Variants in FAM107B observed in about 807,000 individuals in gnomAD.
FAM107B encodes protein FAM107B.
A neutral mutation model predicts 31.5 loss-of-function variants in FAM107B; 21 were observed. The ratio of observed to expected loss-of-function variants is 0.67; its 90% CI spans 0.47 to 0.96. FAM107B has a LOEUF of 0.96. FAM107B is among the 40% of genes least tolerant of loss of function. FAM107B has a pLI of 0.00. For synonymous variants in FAM107B, 157 were observed against 141.5 expected (o/e 1.11, Z -0.78); for missense variants, 452 against 377.1 (o/e 1.20, Z -1.64).
At chr10:14,548,861 AGTCCCCC>A (rs1347226716) in intron 2 of FAM107B, among the ~76,000 whole-genome samples, 2 of 110,386 alleles carry the variant, frequency 1.8e-5, no homozygotes, top group African/African-American at 3.2e-5. Flanking sequence ...CTGAATGCTG[AGTCCCCC>A]CAAAATTCCT....
intron 2 of FAM107B, among the ~76,000 whole-genome samples, chr10:14,544,301 C>G (rs988130727): frequency 6.6e-6 from 1 of 152,174 alleles, no homozygotes; most frequent in Non-Finnish European, 1.5e-5. Context: ...ATAAAATCAC[C>G]TATACCAACA....
chr10:14,744,498 T>C (rs900488599), intron 1 of FAM107B, among the ~76,000 whole-genome samples: 2 of 152,208 alleles, frequency 1.3e-5, no homozygotes, highest in African/African-American at 4.8e-5. Context: ...TAAATGGCTC[T>C]TAGTGTTTTG....
At chr10:14,768,036 A>G (rs1230978303) in intron 1 of FAM107B, among the ~76,000 whole-genome samples, 1 of 152,198 alleles carries the variant, frequency 6.6e-6, no homozygotes, top group Non-Finnish European at 1.5e-5. Flanking sequence ...AAATTAACAA[A>G]CAATTTTATT....
At chr10:14,657,449 T>C (rs545546153) in intron 2 of FAM107B, among the ~76,000 whole-genome samples, 2 of 152,258 alleles carry the variant, frequency 1.3e-5, no homozygotes, top group South Asian at 2.1e-4. Context: ...CACTTCAGAC[T>C]AGGAGCATAC....
chr10:14,539,878 G>C (rs1848004139), intron 2 of FAM107B, among the ~76,000 whole-genome samples: 1 of 152,156 alleles, frequency 6.6e-6, no homozygotes. Flanking sequence ...GCAGATTCTA[G>C]AATTCCCTGG....
At chr10:14,652,592 T>TA (rs1323908373) in intron 2 of FAM107B, 1 of 152,138 alleles carries the variant, frequency 6.6e-6, no homozygotes, top group East Asian at 1.9e-4. Flanking sequence ...GAGAATTAAG[T>TA]AAAAAATCCA....
intron 1 of FAM107B, among the ~76,000 whole-genome samples, chr10:14,707,130 AAAAAC>A (rs1191549619): frequency 6.6e-6 from 1 of 152,134 alleles, no homozygotes; most frequent in Non-Finnish European, 1.5e-5. Context: ...TGTCTCAGAA[AAAAAC>A]AAAACAACAA....
chr10:14,604,131 C>G, intron 2 of FAM107B: 1 of 526,116 alleles, frequency 1.9e-6, no homozygotes, highest in Non-Finnish European at 2.4e-6. Context: ...ACCCGCCCGG[C>G]CGCCCGCCCG....
At chr10:14,703,959 G>A (rs952107273) in intron 1 of FAM107B, among the ~76,000 whole-genome samples, 10 of 152,208 alleles carry the variant, frequency 6.6e-5, no homozygotes, top group Admixed American at 6.5e-4. Context: ...AGGGGGAGAG[G>A]AAAAGAAAGA....
intron 1 of FAM107B, among the ~76,000 whole-genome samples, chr10:14,668,699 T>C (rs1415191342): frequency 6.6e-6 from 1 of 152,202 alleles, no homozygotes; most frequent in Non-Finnish European, 1.5e-5. Flanking sequence ...ATTTGATGAG[T>C]GTCTGCTACG....
intron 1 of FAM107B, chr10:14,723,467 C>T (rs569905461): frequency 2.6e-4 from 147 of 566,672 alleles, no homozygotes; most frequent in African/African-American, 2.5e-3. Context: ...TCAGGCATGA[C>T]CTGTCACGGG....
intron 2 of FAM107B, among the ~76,000 whole-genome samples, chr10:14,655,772 C>T (rs1444281652): frequency 1.3e-5 from 2 of 152,200 alleles, no homozygotes; most frequent in Non-Finnish European, 2.9e-5. Flanking sequence ...CCTGTAGGGA[C>T]TGAGGCTTAA....
intron 2 of FAM107B, among the ~76,000 whole-genome samples, chr10:14,558,913 A>C (rs1849955677): frequency 6.6e-6 from 1 of 152,078 alleles, no homozygotes; most frequent in Non-Finnish European, 1.5e-5. Context: ...ACTAATAATA[A>C]ATTTCAACTG....
chr10:14,655,747 A>T (rs1588686463), intron 2 of FAM107B, among the ~76,000 whole-genome samples: 1 of 152,218 alleles, frequency 6.6e-6, no homozygotes, highest in East Asian at 1.9e-4. Flanking sequence ...CACAGGATTT[A>T]TGCAGCTGGC....
intron 1 of FAM107B, among the ~76,000 whole-genome samples, chr10:14,738,507 G>T (rs559683655): frequency 2.6e-5 from 4 of 152,218 alleles, no homozygotes; most frequent in African/African-American, 9.6e-5. Context: ...AAAATGAGAT[G>T]GTCTCTCAGG....
intron 1 of FAM107B, among the ~76,000 whole-genome samples, chr10:14,747,851 G>C (rs1299538467): frequency 6.6e-6 from 1 of 152,204 alleles, no homozygotes; most frequent in Non-Finnish European, 1.5e-5. Context: ...GTACCCCAAA[G>C]AGTCTTCATA....
chr10:14,607,888 TA>T (rs1852632858), intron 2 of FAM107B, among the ~76,000 whole-genome samples: 1 of 152,200 alleles, frequency 6.6e-6, no homozygotes, highest in South Asian at 2.1e-4. Flanking sequence ...ACATACATAA[TA>T]ATTTTCCATT....
intron 1 of FAM107B, among the ~76,000 whole-genome samples, chr10:14,692,986 C>G (rs777417707): frequency 6.6e-6 from 1 of 152,156 alleles, no homozygotes; most frequent in Admixed American, 6.5e-5. Context: ...ATGCAAAAAT[C>G]GCAGTGATGC....
intron 2 of FAM107B, among the ~76,000 whole-genome samples, chr10:14,596,745 C>A (rs1852200948): frequency 6.6e-6 from 1 of 152,166 alleles, no homozygotes; most frequent in Non-Finnish European, 1.5e-5. Context: ...GTAGCTGATT[C>A]TCTTGCACAC....
Sources: gnomAD v4.1 joint callset for allele counts (sites outside exome capture counted in the v4.1 genomes callset) on GRCh38, gnomAD v4.1.1 for gene constraint, MANE v1.5 for transcripts, NCBI Gene and HGNC (gene_info 2026-07-23, HGNC 2026-07-21) for gene names.